Variants in DCP2 observed in about 807,000 individuals in gnomAD.
The protein encoded by DCP2 is m7GpppN-mRNA hydrolase.
A neutral mutation model predicts 56.1 loss-of-function variants in DCP2; 30 were observed. The observed-to-expected ratio is 0.53, with a 90% confidence interval of 0.40 to 0.73. The LOEUF is 0.73. DCP2 is among the 30% of genes least tolerant of loss of function. The pLI is 0.00. For missense variants in DCP2, 533 were observed against 502.7 expected (o/e 1.06, Z -0.58); for synonymous variants, 197 against 163.3 (o/e 1.21, Z -1.57).
Position 112,982,091 on chromosome 5 carries a change from A to AT in DCP2, c.54-3737dup, listed in dbSNP as rs975408292. ...CCCCTTCTGGCTATTCTTGAAATCC[A>AT]TTTTTTTGAGGGGAGGGGACAGTTG... On this transcript the variant is annotated intron_variant, in intron 1 of 10. Transcript: ENST00000389063. 2.6e-5 allele frequency among the ~76,000 whole-genome samples: 4 copies of AT among 151,994 alleles called. No homozygotes were observed. The East Asian group carries it at 5.8e-4, about 22-fold the overall frequency.
chr5:112,977,056 T>G lies in DCP2; in HGVS notation c.53+70T>G. 7.9e-6 allele frequency: 10 copies of G among 1,259,732 alleles called. No individual in the cohort carries two copies. The South Asian group carries it at 1.0e-4, about 13-fold the overall frequency. The allele number at this position is 1,259,732 out of a possible 1,614,324, so 78.0% of individuals were successfully genotyped here. A position where few individuals can be genotyped will look rare whatever the true frequency, so the allele number is the denominator to read the frequency against. On this transcript the variant is annotated intron_variant, in intron 1 of 10. Transcript: ENST00000389063. ...AGTTTCGCGGACCCCCAGAGGCCTC[T>G]GGGTCTTCTTCCCCGCCCACGTCCA...
intron 4 of DCP2, among the ~76,000 whole-genome samples, chr5:112,999,620 C>G (rs1224271366): frequency 6.6e-6 from 1 of 150,802 alleles, no homozygotes; most frequent in African/African-American, 2.5e-5. Context: ...AGCCATCGCA[C>G]CCAGCCTTTT....
At chr5:112,992,816 C>T in intron 4 of DCP2, 46 bp downstream of exon 4, 1 of 1,454,710 alleles carries the variant, frequency 6.9e-7, no homozygotes, top group Non-Finnish European at 9.2e-7. Context: ...CTATTAGGGT[C>T]TGAATGTATT....
chr5:113,005,081 A>G (rs1749354075), intron 8 of DCP2, among the ~76,000 whole-genome samples: 1 of 151,900 alleles, frequency 6.6e-6, no homozygotes, highest in Non-Finnish European at 1.5e-5. Flanking sequence ...GTGAGCCAAG[A>G]TCGCGCCATT....
chr5:112,999,538 G>A (rs1749032300), intron 4 of DCP2, among the ~76,000 whole-genome samples: 1 of 151,924 alleles, frequency 6.6e-6, no homozygotes, highest in African/African-American at 2.4e-5. Context: ...ATGTTGGTCA[G>A]GCTGGTCTCT....
intron 8 of DCP2, among the ~76,000 whole-genome samples, chr5:113,005,596 C>T (rs1279193981): frequency 6.6e-6 from 1 of 152,168 alleles, no homozygotes; most frequent in African/African-American, 2.4e-5. Context: ...AAGAGTTTGG[C>T]AATTTCTCAA....
At chr5:112,992,651 T>G (rs1580808293) in intron 3 of DCP2, 21 bp from the exon 4 acceptor site, 3 of 1,541,512 alleles carry the variant, frequency 1.9e-6, no homozygotes, top group Non-Finnish European at 2.6e-6. Context: ...AGTTTGATTT[T>G]TACTTCTGCT....
chr5:113,013,268 T>C (rs1749752676), intron 10 of DCP2, 53 bp from the exon 11 acceptor site: 2 of 1,554,570 alleles, frequency 1.3e-6, no homozygotes, highest in African/African-American at 1.4e-5. Flanking sequence ...GGGCAGTATT[T>C]GATTTCTTAC....
intron 2 of DCP2, among the ~76,000 whole-genome samples, chr5:112,986,862 G>T (rs1748312885): frequency 6.6e-6 from 1 of 152,094 alleles, no homozygotes; most frequent in Non-Finnish European, 1.5e-5. Flanking sequence ...AGTTACCTGG[G>T]CATGGTGGCA....
chr5:112,996,134 A>G (rs952191613), intron 4 of DCP2, among the ~76,000 whole-genome samples: 1 of 152,168 alleles, frequency 6.6e-6, no homozygotes, highest in African/African-American at 2.4e-5. Context: ...AGGGGACATA[A>G]TTTAGTCCAT....
At chr5:112,987,347 C>G (rs893626754) in intron 2 of DCP2, among the ~76,000 whole-genome samples, 2 of 152,164 alleles carry the variant, frequency 1.3e-5, no homozygotes, top group African/African-American at 4.8e-5. Context: ...GAACAGCGTC[C>G]TCTCATGGGG....
In DCP2 at chr5:113,008,049, G is replaced by C. The variant is rs1749520324; in HGVS notation, c.1047+7G>C. On this transcript the variant is annotated splice_region_variant and intron_variant, in intron 9 of 10. Transcript: ENST00000389063. The stretch of plus-strand genomic sequence containing the variant: ...GCAGCAGAATTCTTTGATGGTAAGA[G>C]TTATAGCTGTCACACTAAGTAGGCA... 6.2e-7 allele frequency: 1 copy of C among 1,610,304 alleles called. No homozygotes were observed.
At chr5:112,984,144 A>T (rs548058589) in intron 1 of DCP2, 4 of 152,338 alleles carry the variant, frequency 2.6e-5, no homozygotes, top group African/African-American at 9.6e-5. Context: ...CAGCTGATCC[A>T]GACTAGAACA....
chr5:112,978,135 C>G (rs137968225), intron 1 of DCP2, among the ~76,000 whole-genome samples: 2,012 of 152,218 alleles, frequency 0.013, 29 homozygotes, highest in Non-Finnish European at 0.018. Flanking sequence ...CGCCACCACA[C>G]CCGGCTAATT....
chr5:113,021,208 A>T lies in DCP2; in HGVS notation c.*7724A>T, dbSNP rs1750107986. ...GCCTGACCAACATGGTGAAACTAAAAATTCAAAAATTAGCTGGGCGTGGTG... is the reference window on the plus strand; with the variant it reads ...GCCTGACCAACATGGTGAAACTAAATATTCAAAAATTAGCTGGGCGTGGTG... On this transcript the variant is annotated 3_prime_UTR_variant, in exon 11 of 11. Transcript: ENST00000389063. Among the ~76,000 whole-genome samples, 1 of 151,944 alleles carries T rather than the reference A, an allele frequency of 6.6e-6. No individual in the cohort carries two copies. Among genetic ancestry groups the T allele is most frequent in the Non-Finnish European group, 1.5e-5 (1 of 68,002 alleles).
At chr5:113,008,175 G>A in intron 9 of DCP2, 133 bp downstream of exon 9, 1 of 690,188 alleles carries the variant, frequency 1.4e-6, no homozygotes, top group Non-Finnish European at 2.4e-6. Context: ...TTTTTGTGTA[G>A]CTGACTTGTG....
chr5:113,009,376 T>C (rs1401182306), intron 9 of DCP2, among the ~76,000 whole-genome samples: 1 of 152,182 alleles, frequency 6.6e-6, no homozygotes, highest in African/African-American at 2.4e-5. Flanking sequence ...TAAAAGGGAC[T>C]GATAAACATA....
chr5:113,001,829 G>A (rs2150184252), intron 7 of DCP2, among the ~76,000 whole-genome samples, 155 bp downstream of exon 7: 1 of 152,160 alleles, frequency 6.6e-6, no homozygotes, highest in Non-Finnish European at 1.5e-5. Context: ...TTTTTTAAAG[G>A]GTTTCTGATG....
chr5:112,986,981 C>A (rs114383304), intron 2 of DCP2, among the ~76,000 whole-genome samples: 1 of 152,104 alleles, frequency 6.6e-6, no homozygotes, highest in African/African-American at 2.4e-5. Flanking sequence ...CCAGCCTGGA[C>A]GGCAGAGTGA....
Sources: allele counts gnomAD v4.1 joint callset (sites outside exome capture counted in the v4.1 genomes callset), GRCh38; gene constraint gnomAD v4.1.1; transcripts MANE v1.5; gene names NCBI Gene and HGNC (gene_info 2026-07-23, HGNC 2026-07-21).